AUTS2: variants seen among roughly 807,000 people sequenced by gnomAD.
AUTS2 encodes the protein activator of transcription and developmental regulator AUTS2.
Under a neutral mutation model 112.4 loss-of-function variants are expected in AUTS2, and 17 were observed. The ratio of observed to expected loss-of-function variants is 0.15; its 90% CI spans 0.10 to 0.23. The LOEUF (loss-of-function observed/expected upper bound fraction) is 0.23. AUTS2 is among the 10% of genes least tolerant of loss of function. The pLI, the probability that AUTS2 is intolerant of heterozygous loss-of-function variation, is 1.00. For synonymous variants in AUTS2, 751 were observed against 702.7 expected (o/e 1.07, Z -1.09); for missense variants, 1,510 against 1,701.6 (o/e 0.89, Z 1.98).
chr7:70,174,025 A>T (rs1453800684), intron 4 of AUTS2, among the ~76,000 whole-genome samples: 1 of 152,238 alleles, frequency 6.6e-6, no homozygotes, highest in African/African-American at 2.4e-5. Context: ...GAAATGATTT[A>T]GCTTAGTAAG....
At chr7:70,607,744 A>C (rs1030561162) in intron 5 of AUTS2, among the ~76,000 whole-genome samples, 1 of 152,250 alleles carries the variant, frequency 6.6e-6, no homozygotes, top group Non-Finnish European at 1.5e-5. Context: ...GGTACACACA[A>C]AAAAAGAACC....
intron 5 of AUTS2, among the ~76,000 whole-genome samples, chr7:70,660,808 T>G (rs74880847): frequency 0.037 from 5,660 of 152,298 alleles, 142 homozygotes; most frequent in South Asian, 0.076. Flanking sequence ...AGCAGCTAAG[T>G]TGGAAAGTGT....
chr7:69,711,271 A>C (rs1364188006), intron 1 of AUTS2, among the ~76,000 whole-genome samples: 1 of 152,182 alleles, frequency 6.6e-6, no homozygotes, highest in African/African-American at 2.4e-5. Flanking sequence ...TGAGCTCATT[A>C]ACATTTAGAA....
chr7:69,987,846 A>T (rs1798576262), intron 2 of AUTS2, among the ~76,000 whole-genome samples: 1 of 152,136 alleles, frequency 6.6e-6, no homozygotes, highest in Non-Finnish European at 1.5e-5. Flanking sequence ...GTTCATTTTC[A>T]TGTTGTTCCA....
rs181170806 is a variant in AUTS2, at chr7:70,781,775, G to A, written c.2146+19G>A. 25 of 1,611,872 alleles carry A rather than the reference G, an allele frequency of 1.6e-5. No individual in the cohort carries two copies. The East Asian group carries it at 1.8e-4, about 12-fold the overall frequency. On this transcript the variant is annotated intron_variant, in intron 15 of 18. Coordinates refer to ENST00000342771, the MANE Select transcript of AUTS2 (RefSeq NM_015570.4). ...GCCGCTGGTGAGTGTGGGTTTGGGT[G>A]GGGGGACAGAGCTGAGAAATGTAGT...
chr7:70,087,024 G>T (rs563848974), intron 2 of AUTS2, among the ~76,000 whole-genome samples: 96 of 151,736 alleles, frequency 6.3e-4, no homozygotes, highest in African/African-American at 2.3e-3. Flanking sequence ...AGTGGTGAGA[G>T]TGTACATGCG....
chr7:70,471,881 C>T (rs919927239), intron 5 of AUTS2, among the ~76,000 whole-genome samples: 4 of 151,948 alleles, frequency 2.6e-5, no homozygotes, highest in Non-Finnish European at 5.9e-5. Flanking sequence ...CGTAAGGTAG[C>T]AGTGTCCATG....
intron 5 of AUTS2, among the ~76,000 whole-genome samples, chr7:70,512,742 T>G (rs1289341818): frequency 1.3e-5 from 2 of 152,130 alleles, no homozygotes; most frequent in African/African-American, 4.8e-5. Context: ...TGTGAAGCTA[T>G]AAATCTTTGG....
intron 1 of AUTS2, among the ~76,000 whole-genome samples, chr7:69,618,086 G>T (rs986364332): frequency 2.0e-5 from 3 of 152,292 alleles, no homozygotes; most frequent in Admixed American, 1.3e-4. Flanking sequence ...GAGGTGCAGA[G>T]AAGTTAAGTA....
intron 2 of AUTS2, among the ~76,000 whole-genome samples, chr7:70,096,486 T>G (rs968569655): frequency 3.3e-5 from 5 of 149,442 alleles, no homozygotes; most frequent in African/African-American, 4.9e-5. Flanking sequence ...TAATCCCAGC[T>G]AACTAGGGAG....
intron 4 of AUTS2, among the ~76,000 whole-genome samples, chr7:70,329,524 A>C (rs1292439620): frequency 1.3e-5 from 2 of 151,840 alleles, no homozygotes; most frequent in African/African-American, 4.8e-5. Context: ...TTTCTTGACC[A>C]ATGATGTTGA....
chr7:70,155,344 TAGAA>T (rs1807687303), intron 4 of AUTS2, among the ~76,000 whole-genome samples: 1 of 151,974 alleles, frequency 6.6e-6, no homozygotes, highest in South Asian at 2.1e-4. Flanking sequence ...ATTAAAGAGG[TAGAA>T]AGAGAAAATC....
chr7:69,685,736 T>A (rs993879685), intron 1 of AUTS2, among the ~76,000 whole-genome samples: 16 of 150,312 alleles, frequency 1.1e-4, no homozygotes, highest in Non-Finnish European at 1.6e-4. Flanking sequence ...TTTTTTTTTT[T>A]AAATAGAGAC....
rs1429567858 is a variant in AUTS2 at position 69,950,113 on chromosome 7, T to G, written c.522+50615T>G. On this transcript the variant is annotated intron_variant, in intron 2 of 18. Transcript: ENST00000342771. ...TAAGTATTGCTTAGAACATATACTG[T>G]TTTTTTTCTCCTCAAAAATTGCCAG... 2.7e-5 allele frequency among the ~76,000 whole-genome samples: 4 copies of G among 150,668 alleles called. No homozygotes were observed. In the East Asian group the frequency reaches 5.8e-4, roughly 22 times the overall value.
At chr7:70,014,694 A>T (rs539443216) in intron 2 of AUTS2, among the ~76,000 whole-genome samples, 77 of 152,330 alleles carry the variant, frequency 5.1e-4, no homozygotes, top group African/African-American at 1.7e-3. Context: ...TCACGTAGAC[A>T]TGCACACCTC....
intron 5 of AUTS2, among the ~76,000 whole-genome samples, chr7:70,470,976 T>C (rs1168053440): frequency 1.3e-5 from 2 of 152,030 alleles, no homozygotes; most frequent in African/African-American, 2.4e-5. Flanking sequence ...CTGGAAATAA[T>C]ATAAGGAGAT....
intron 1 of AUTS2, among the ~76,000 whole-genome samples, chr7:69,696,573 A>G (rs1417819793): frequency 1.3e-5 from 2 of 152,182 alleles, no homozygotes; most frequent in Admixed American, 6.5e-5. Flanking sequence ...ATACCAGCAG[A>G]TAATCTGGGA....
At chr7:69,969,144 T>A (rs1168667987) in intron 2 of AUTS2, among the ~76,000 whole-genome samples, 1 of 152,174 alleles carries the variant, frequency 6.6e-6, no homozygotes, top group Non-Finnish European at 1.5e-5. Context: ...GTACTCTGCC[T>A]TCTTATGCTT....
intron 2 of AUTS2, among the ~76,000 whole-genome samples, chr7:69,920,027 G>T (rs1057133764): frequency 7.4e-5 from 10 of 134,494 alleles, no homozygotes; most frequent in Non-Finnish European, 1.6e-4. Context: ...GTTGCCTTTT[G>T]TTGGGAAGAG....
Sources: allele counts gnomAD v4.1 joint callset (sites outside exome capture counted in the v4.1 genomes callset), GRCh38; gene constraint gnomAD v4.1.1; transcripts MANE v1.5; gene names NCBI Gene and HGNC (gene_info 2026-07-23, HGNC 2026-07-21).